ELP3: variants seen among roughly 807,000 people sequenced by gnomAD.
ELP3 encodes elongator acetyltransferase complex subunit 3.
A neutral mutation model predicts 74.9 loss-of-function variants in ELP3; 56 were observed. That is an observed-to-expected ratio of 0.75 (90% confidence interval 0.60 to 0.93). The LOEUF (loss-of-function observed/expected upper bound fraction) is 0.93. Ranked by LOEUF, ELP3 falls within the 40% of genes least tolerant of loss-of-function variation. The pLI is 0.00. For synonymous variants in ELP3, 222 were observed against 239.8 expected, an observed-to-expected ratio of 0.93 and a Z score of 0.68; for missense variants, 573 against 686.5, an observed-to-expected ratio of 0.83 and a Z score of 1.85.
intron 7 of ELP3, among the ~76,000 whole-genome samples, chr8:28,124,312 C>G (rs1812490876): frequency 6.6e-6 from 1 of 151,964 alleles, no homozygotes. Context: ...AGTCTCCAGA[C>G]TTATTTATAT....
At chr8:28,162,159 T>G (rs1248157491) in intron 14 of ELP3, 81 bp downstream of exon 14, 1 of 1,393,882 alleles carries the variant, frequency 7.2e-7, no homozygotes, top group Non-Finnish European at 1.0e-6. Context: ...GGTACCCTCT[T>G]GCCCCTGTTG....
At position 28,113,012 on chromosome 8, in the gene ELP3, C is replaced by CT; in HGVS notation, c.463-4dup. ...ATCATTCTAATGCTGATGAATTTGT[C>CT]TTTCAGTTAAAACAACTTGGTCATA... On this transcript the variant is annotated splice_region_variant and splice_polypyrimidine_tract_variant and intron_variant, in intron 6 of 14. Transcript: ENST00000256398. The CT allele has an allele frequency of 6.2e-7, 1 of 1,611,064 alleles. No individual in the cohort carries two copies. The highest frequency in any genetic ancestry group is 2.2e-5 in the East Asian group (1 of 44,786).
Position 28,129,604 on chromosome 8 carries a change from C to T in ELP3, c.720C>T (p.Cys240=), listed in dbSNP as rs758807327. The T allele has an allele frequency of 1.4e-5, 23 of 1,614,158 alleles. No homozygotes were observed. The highest frequency in any genetic ancestry group is 1.9e-5 in the Non-Finnish European group (23 of 1,179,978). ...RHLSDMLTYG[C]TRLEIGVQSV... The stretch of plus-strand genomic sequence containing the variant: ...TAAGTGACATGTTGACCTATGGCTG[C>T]ACAAGGCTGGAGATTGGGGTGCAGA... The change falls in exon 8 of 15, where the codon TGC becomes TGT. Residue 240 remains cysteine (C), a synonymous_variant. Transcript: ENST00000256398.
chr8:28,185,921 T>C (rs2130621403), intron 14 of ELP3, among the ~76,000 whole-genome samples: 1 of 152,318 alleles, frequency 6.6e-6, no homozygotes, highest in South Asian at 2.1e-4. Flanking sequence ...TGATTTTAAA[T>C]AGTGGCTTGA....
At chr8:28,149,650 G>A (rs985749425) in intron 10 of ELP3, among the ~76,000 whole-genome samples, 7 of 151,958 alleles carry the variant, frequency 4.6e-5, no homozygotes, top group Admixed American at 1.3e-4. Context: ...TTGTTTCTCC[G>A]TTGATTTCCT....
chr8:28,132,236 A>G, intron 8 of ELP3, 42 bp from the exon 9 acceptor site: 1 of 1,610,554 alleles, frequency 6.2e-7, no homozygotes, highest in East Asian at 2.2e-5. Context: ...ATGTTACACA[A>G]ATAGGTAGTG....
intron 7 of ELP3, among the ~76,000 whole-genome samples, chr8:28,128,201 C>T: frequency 6.6e-6 from 1 of 152,146 alleles, no homozygotes; most frequent in East Asian, 1.9e-4. Context: ...TGGCCGGGCG[C>T]AGTGGCTCAT....
upstream of ELP3, among the ~76,000 whole-genome samples, chr8:28,090,903 C>CTTT (rs1563239681): frequency 2.4e-4 from 13 of 53,132 alleles, 2 homozygotes; most frequent in African/African-American, 6.5e-4. Flanking sequence ...GTAAATGTTT[C>CTTT]CTTTTTTTTT....
chr8:28,131,491 T>G lies in ELP3; in HGVS notation c.780-787T>G, dbSNP rs967319502. On this transcript the variant is annotated intron_variant, in intron 8 of 14. Transcript: ENST00000256398. ...TTGGGAAGTCATCAGCAAAAAGACA[T>G]TAGAAATTGAAGCCATGGAAATGGT... Among the ~76,000 whole-genome samples the G allele has an allele frequency of 1.8e-4, 28 of 152,146 alleles. 1 individual carries two copies. Among genetic ancestry groups the G allele is most frequent in the African/African-American group, 6.3e-4 (26 of 41,428 alleles).
At chr8:28,162,754 G>A (rs903519072) in intron 14 of ELP3, among the ~76,000 whole-genome samples, 5 of 152,176 alleles carry the variant, frequency 3.3e-5, no homozygotes, top group African/African-American at 1.2e-4. Flanking sequence ...TTATACGAGT[G>A]CAAAGTCATG....
chr8:28,135,584 C>T (rs150497587), intron 9 of ELP3, among the ~76,000 whole-genome samples: 2 of 152,276 alleles, frequency 1.3e-5, no homozygotes, highest in Non-Finnish European at 2.9e-5. Flanking sequence ...AATCTCAGAG[C>T]GCAGAGGCTT....
intron 14 of ELP3, among the ~76,000 whole-genome samples, chr8:28,174,708 T>C (rs1599406): frequency 0.99 from 151,406 of 152,262 alleles, 75,281 homozygotes; most frequent in Non-Finnish European, 1. Context: ...AGCTTTTATG[T>C]TTACTTATGT....
intron 7 of ELP3, among the ~76,000 whole-genome samples, chr8:28,128,592 C>G (rs1010913264): frequency 1.3e-5 from 2 of 152,158 alleles, no homozygotes; most frequent in African/African-American, 4.8e-5. Context: ...CAGGTGGACC[C>G]AACTTCAGAT....
chr8:28,172,209 G>A (rs1814556884), intron 14 of ELP3, among the ~76,000 whole-genome samples: 1 of 152,004 alleles, frequency 6.6e-6, no homozygotes, highest in South Asian at 2.1e-4. Flanking sequence ...TTTTGATAGG[G>A]ATTGCATTGA....
intron 13 of ELP3, among the ~76,000 whole-genome samples, chr8:28,161,117 A>T (rs1814067805): frequency 6.6e-6 from 1 of 152,254 alleles, no homozygotes; most frequent in South Asian, 2.1e-4. Context: ...CCTAAGGTTA[A>T]GCCATATTAT....
intron 14 of ELP3, among the ~76,000 whole-genome samples, chr8:28,180,106 T>C (rs982265674): frequency 6.6e-6 from 1 of 152,216 alleles, no homozygotes; most frequent in Non-Finnish European, 1.5e-5. Flanking sequence ...AGGATATTTC[T>C]AGGTTCTAGG....
At chr8:28,146,549 G>A (rs1813440573) in intron 10 of ELP3, among the ~76,000 whole-genome samples, 1 of 152,150 alleles carries the variant, frequency 6.6e-6, no homozygotes, top group African/African-American at 2.4e-5. Context: ...GAATCAAATG[G>A]AGAAACGTAA....
At chr8:28,170,554 C>G (rs1373214604) in intron 14 of ELP3, among the ~76,000 whole-genome samples, 1 of 152,152 alleles carries the variant, frequency 6.6e-6, no homozygotes, top group Non-Finnish European at 1.5e-5. Context: ...GGTGCGCGTG[C>G]TGGCCATTTA....
At chr8:28,180,211 A>G (rs1449183383) in intron 14 of ELP3, among the ~76,000 whole-genome samples, 1 of 152,126 alleles carries the variant, frequency 6.6e-6, no homozygotes, top group Admixed American at 6.5e-5. Context: ...TAACACATGC[A>G]TATTGACTCT....
Sources: gnomAD v4.1 joint callset for allele counts (sites outside exome capture counted in the v4.1 genomes callset) on GRCh38, gnomAD v4.1.1 for gene constraint, MANE v1.5 for transcripts, NCBI Gene and HGNC (gene_info 2026-07-23, HGNC 2026-07-21) for gene names.